CPQ: variants seen among roughly 807,000 people sequenced by gnomAD.
The protein encoded by CPQ is carboxypeptidase Q, also known as Ser-Met dipeptidase.
In CPQ, 37 loss-of-function variants were observed where a neutral mutation model predicts 45.7. That is an observed-to-expected ratio of 0.81 (90% confidence interval 0.62 to 1.07). The LOEUF is 1.07. Ranked by LOEUF, CPQ falls within the 50% of genes least tolerant of loss-of-function variation. CPQ has a pLI of 0.00. For synonymous variants in CPQ, 186 were observed against 205.8 expected, an observed-to-expected ratio of 0.90 and a Z score of 0.82; for missense variants, 537 against 572.9, an observed-to-expected ratio of 0.94 and a Z score of 0.64.
At chr8:96,933,281 G>A (rs572819575) in intron 4 of CPQ, among the ~76,000 whole-genome samples, 1 of 152,294 alleles carries the variant, frequency 6.6e-6, no homozygotes, top group African/African-American at 2.4e-5. Context: ...CAGTCAAAGG[G>A]AGACAGCTTT....
intron 4 of CPQ, among the ~76,000 whole-genome samples, chr8:96,913,783 T>G (rs1488030679): frequency 6.6e-6 from 1 of 152,222 alleles, no homozygotes; most frequent in African/African-American, 2.4e-5. Flanking sequence ...CTGAAAACTT[T>G]ATGCAAAACA....
intron 1 of CPQ, among the ~76,000 whole-genome samples, chr8:96,734,244 G>A (rs1343689561): frequency 2.6e-5 from 4 of 152,102 alleles, no homozygotes; most frequent in Non-Finnish European, 5.9e-5. Flanking sequence ...TCTGGGACCG[G>A]ATCACATTAC....
At chr8:96,688,702 A>G (rs977318551) in intron 1 of CPQ, among the ~76,000 whole-genome samples, 1 of 152,088 alleles carries the variant, frequency 6.6e-6, no homozygotes, top group African/African-American at 2.4e-5. Context: ...GCCTCTTTAT[A>G]TTTCAATGTA....
chr8:96,919,435 C>T (rs1023671490), intron 4 of CPQ, among the ~76,000 whole-genome samples: 3 of 152,100 alleles, frequency 2.0e-5, no homozygotes, highest in Non-Finnish European at 4.4e-5. Flanking sequence ...CTCTGTGCTG[C>T]TGACTCTACT....
chr8:97,031,393 A>C (rs1363476550), intron 6 of CPQ, among the ~76,000 whole-genome samples: 2 of 151,962 alleles, frequency 1.3e-5, no homozygotes, highest in Non-Finnish European at 2.9e-5. Flanking sequence ...TCACCGTGTT[A>C]GCCAGGACAG....
rs148965233 is a variant in CPQ at position 96,770,574 on chromosome 8, T to C, written c.-34-14290T>C. ...TGGATACAGGTGAATTCTAGTCCAA[T>C]ATGGTAGGAGAGGTGAGCCTGGAAT... is the stretch of plus-strand genomic sequence containing the variant. On this transcript the variant is annotated intron_variant, in intron 1 of 7. Transcript: ENST00000220763. Among the ~76,000 whole-genome samples, 1,203 of 151,934 alleles carry C rather than the reference T, an allele frequency of 7.9e-3. 19 individuals carry two copies. Among genetic ancestry groups the C allele is most frequent in the African/African-American group, 0.023 (938 of 41,474 alleles).
intron 2 of CPQ, among the ~76,000 whole-genome samples, chr8:96,810,932 C>A (rs1465560344): frequency 6.6e-6 from 1 of 152,094 alleles, no homozygotes; most frequent in Non-Finnish European, 1.5e-5. Flanking sequence ...AAATGGCAAG[C>A]CAAGTAGAGG....
chr8:96,878,633 T>C lies in CPQ; in HGVS notation c.642-1165T>C, dbSNP rs4433118. Among the ~76,000 whole-genome samples, 708 of 152,270 alleles carry C rather than the reference T, an allele frequency of 4.6e-3. 7 individuals are homozygous for C. The highest frequency in any genetic ancestry group is 0.016 in the African/African-American group (677 of 41,562). On this transcript the variant is annotated intron_variant, in intron 3 of 7. Transcript: ENST00000220763. Reference sequence around the variant, plus strand: ...CAGTTTCTCTAAGTAAATAGTCACCTGAAATATGGCTACAACAATACAGTC... The same window carrying C: ...CAGTTTCTCTAAGTAAATAGTCACCCGAAATATGGCTACAACAATACAGTC...
At chr8:96,911,950 G>A (rs564136491) in intron 4 of CPQ, among the ~76,000 whole-genome samples, 9 of 152,304 alleles carry the variant, frequency 5.9e-5, no homozygotes, top group African/African-American at 2.2e-4. Context: ...GCTTGACTGT[G>A]TGATGTCAAG....
intron 4 of CPQ, among the ~76,000 whole-genome samples, chr8:96,921,359 A>G (rs1318478239): frequency 6.6e-6 from 1 of 152,240 alleles, no homozygotes; most frequent in African/African-American, 2.4e-5. Context: ...CAATCTCAAA[A>G]GAGAGCATTT....
At chr8:96,892,901 A>G (rs1171065936) in intron 4 of CPQ, among the ~76,000 whole-genome samples, 1 of 152,210 alleles carries the variant, frequency 6.6e-6, no homozygotes. Flanking sequence ...GCCTTTTTCA[A>G]TGATGGAGCC....
chr8:96,730,866 C>CATACATATATAT (rs56216136), intron 1 of CPQ, among the ~76,000 whole-genome samples: 1,478 of 68,632 alleles, frequency 0.022, 62 homozygotes, highest in Non-Finnish European at 0.031. Flanking sequence ...ACCATACATA[C>CATACATATATAT]ATATATATAT....
At chr8:97,073,645 G>A (rs1160332331) in intron 7 of CPQ, among the ~76,000 whole-genome samples, 2 of 152,134 alleles carry the variant, frequency 1.3e-5, no homozygotes, top group Non-Finnish European at 2.9e-5. Context: ...TAAACCAAAC[G>A]CTGAGACACT....
intron 3 of CPQ, among the ~76,000 whole-genome samples, chr8:96,838,552 T>C (rs1439716179): frequency 1.3e-5 from 2 of 152,130 alleles, no homozygotes; most frequent in Admixed American, 1.3e-4. Flanking sequence ...TTGGCCTATC[T>C]TTATGTCCAG....
intron 4 of CPQ, among the ~76,000 whole-genome samples, chr8:96,946,982 G>A (rs1813197358): frequency 6.6e-6 from 1 of 152,058 alleles, no homozygotes; most frequent in Non-Finnish European, 1.5e-5. Flanking sequence ...TTGTTAACTT[G>A]TACATCTACT....
chr8:96,667,417 C>T (rs1041185303), intron 1 of CPQ, among the ~76,000 whole-genome samples: 10 of 149,802 alleles, frequency 6.7e-5, no homozygotes, highest in East Asian at 2.0e-4. Context: ...GGCACGATCT[C>T]GGCTCACTGC....
At chr8:96,662,186 CTTATA>C (rs1815708720) in intron 1 of CPQ, among the ~76,000 whole-genome samples, 1 of 151,958 alleles carries the variant, frequency 6.6e-6, no homozygotes, top group Admixed American at 6.6e-5. Flanking sequence ...GATAATAGTC[CTTATA>C]TTTAATATGT....
chr8:96,816,301 A>G (rs1229058784), intron 2 of CPQ, among the ~76,000 whole-genome samples: 6 of 152,162 alleles, frequency 3.9e-5, no homozygotes, highest in Non-Finnish European at 5.9e-5. Context: ...TTGCTCATCC[A>G]TAAAAAGCAA....
rs531085129 is a variant in CPQ at position 96,719,502 on chromosome 8, C to G, written c.-34-65362C>G. On this transcript the variant is annotated intron_variant, in intron 1 of 7. Coordinates refer to ENST00000220763, the MANE Select transcript of CPQ (RefSeq NM_016134.4). ...TCCCTGCAAGCTGAGGGAGTGGGCT[C>G]TGGCCTTGGCCAGCCCAGAAAGGGG... 7.3e-4 allele frequency among the ~76,000 whole-genome samples: 111 copies of G among 152,346 alleles called. 1 individual carries two copies. In the Middle Eastern group the frequency reaches 0.017, roughly 23 times the overall value.
Sources: gnomAD v4.1 joint callset for allele counts (sites outside exome capture counted in the v4.1 genomes callset) on GRCh38, gnomAD v4.1.1 for gene constraint, MANE v1.5 for transcripts, NCBI Gene and HGNC (gene_info 2026-07-23, HGNC 2026-07-21) for gene names.